STX7: variants seen among roughly 807,000 people sequenced by gnomAD.
The protein encoded by STX7 is syntaxin-7.
In STX7, 34 loss-of-function variants were observed where a neutral mutation model predicts 39.6. The observed-to-expected ratio is 0.86, with a 90% CI of 0.65 to 1.14. The LOEUF (loss-of-function observed/expected upper bound fraction) is 1.14, where lower values mean the gene tolerates loss of function less well. STX7 is among the 50% of genes most tolerant of loss of function. STX7 has a pLI of 0.00. For synonymous variants in STX7, 119 were observed against 99.1 expected, an observed-to-expected ratio of 1.20 and a Z score of -1.19; for missense variants, 284 against 310.4, an observed-to-expected ratio of 0.92 and a Z score of 0.64.
At position 132,460,811 on chromosome 6, in the gene STX7, G is replaced by C; in HGVS notation, c.733C>G (p.Leu245Val). Residue 245 changes from leucine to valine, a missense_variant, in exon 10 of 10, where the codon CTT (leucine) becomes GTT (valine). Physicochemically the swap from Leu to Val is conservative, Grantham distance 32. Coordinates refer to ENST00000367941, the MANE Select transcript of STX7 (RefSeq NM_003569.3). The part of the protein sequence containing the change: ...RKTLCIIILI[L>V]VIGVAIISLI... The stretch of plus-strand genomic sequence containing the variant: ...CTGATAATCGCAACTCCAATGACAA[G>C]GATAAGAATGATGATGCACAGGGTT... The C allele has an allele frequency of 6.2e-7, 1 of 1,613,494 alleles. No individual in the cohort carries two copies. The highest frequency in any genetic ancestry group is 1.7e-5 in the Admixed American group (1 of 59,974).
Position 132,460,133 on chromosome 6 carries a change from G to C in STX7, c.*625C>G, listed in dbSNP as rs1774352063. The stretch of plus-strand genomic sequence containing the variant: ...CAACCTATCCTTAGTAATTTTACTA[G>C]GCAATCTACAGCAAAAGCTTAATAT... On this transcript the variant is annotated 3_prime_UTR_variant, in exon 10 of 10. Coordinates refer to ENST00000367941, the MANE Select transcript of STX7 (RefSeq NM_003569.3). 1 of 152,052 alleles carries C rather than the reference G, an allele frequency of 6.6e-6. No individual in the cohort carries two copies. The highest frequency in any genetic ancestry group is 2.4e-5 in the African/African-American group (1 of 41,390). The allele number at this position is 152,052 out of a possible 1,614,324, so 9.4% of individuals were successfully genotyped here.
chr6:132,492,784 A>T (rs1775327220), intron 2 of STX7, among the ~76,000 whole-genome samples: 2 of 152,268 alleles, frequency 1.3e-5, no homozygotes, highest in African/African-American at 4.8e-5. Flanking sequence ...TACAAGGCAC[A>T]AAGTAAACAG....
At chr6:132,512,504 A>C (rs775068762) in intron 1 of STX7, among the ~76,000 whole-genome samples, 7 of 152,236 alleles carry the variant, frequency 4.6e-5, no homozygotes, top group Non-Finnish European at 1.0e-4. Context: ...CAATACTACG[A>C]TCCTCTGAAT....
In STX7 at chr6:132,450,424, AT is replaced by A; in HGVS notation, c.*10333del. On this transcript the variant is annotated 3_prime_UTR_variant, in exon 10 of 10. Coordinates refer to ENST00000367941, the MANE Select transcript of STX7 (RefSeq NM_003569.3). ...TATTTATCTGTACTTTCATTCCTAA[AT>A]TTTTTATGTCTTCTGTTTTTTTCCA... The A allele has an allele frequency of 6.6e-6, 1 of 151,762 alleles. No homozygotes were observed. The highest frequency in any genetic ancestry group is 2.1e-4 in the South Asian group (1 of 4,804). The allele number at this position is 151,762 out of a possible 1,614,324, so 9.4% of individuals were successfully genotyped here.
intron 8 of STX7, among the ~76,000 whole-genome samples, chr6:132,467,488 TA>T (rs1774593358): frequency 6.6e-6 from 1 of 152,138 alleles, no homozygotes; most frequent in Non-Finnish European, 1.5e-5. Flanking sequence ...CTCGCCTTTT[TA>T]AAAAATTGTC....
In STX7 at chr6:132,491,035, G is replaced by A. The variant is rs188728880; in HGVS notation, c.85+12411C>T. ...ACAGCACAGCACAGCAGAGAGAATA[G>A]AGCCCTTGAGCAGAGAAATGGGCAC... On this transcript the variant is annotated intron_variant, in intron 2 of 9. Transcript: ENST00000367941. 1.2e-3 allele frequency among the ~76,000 whole-genome samples: 120 copies of A among 99,268 alleles called. No homozygotes were observed. In the East Asian group the frequency reaches 0.021, roughly 17 times the overall value. The allele number at this position is 99,268 out of a possible 152,430, so 65.1% of individuals were successfully genotyped here. A position where few individuals can be genotyped will look rare whatever the true frequency, so the allele number is the denominator to read the frequency against.
At chr6:132,479,187 T>G (rs181558335) in intron 2 of STX7, among the ~76,000 whole-genome samples, 4 of 152,184 alleles carry the variant, frequency 2.6e-5, no homozygotes, top group African/African-American at 7.2e-5. Context: ...GAAACAGACT[T>G]TTTATGCTGC....
At chr6:132,491,021 CAGCAG>C (rs1460615930) in intron 2 of STX7, among the ~76,000 whole-genome samples, 2 of 149,892 alleles carry the variant, frequency 1.3e-5, no homozygotes, top group East Asian at 1.9e-4. Flanking sequence ...CAGCACAGCA[CAGCAG>C]AGAGAATAGA....
intron 9 of STX7, among the ~76,000 whole-genome samples, chr6:132,462,736 T>C (rs975571227): frequency 1.3e-5 from 2 of 152,114 alleles, no homozygotes; most frequent in Non-Finnish European, 2.9e-5. Flanking sequence ...CAGGAGTGAC[T>C]GTCAGTGAAT....
chr6:132,478,246 G>C (rs1470720094), intron 2 of STX7, among the ~76,000 whole-genome samples: 1 of 151,906 alleles, frequency 6.6e-6, no homozygotes, highest in African/African-American at 2.4e-5. Flanking sequence ...TGAATAAACT[G>C]AATAGCAAAA....
At chr6:132,487,887 T>G (rs1300464525) in intron 2 of STX7, among the ~76,000 whole-genome samples, 1 of 152,216 alleles carries the variant, frequency 6.6e-6, no homozygotes, top group Non-Finnish European at 1.5e-5. Context: ...CATTGATTTT[T>G]TTTCTCCCTT....
At chr6:132,473,271 A>G (rs893859345) in intron 3 of STX7, among the ~76,000 whole-genome samples, 8 of 152,204 alleles carry the variant, frequency 5.3e-5, no homozygotes, top group Non-Finnish European at 1.2e-4. Context: ...AACACAATAA[A>G]TAAAAGAAGT....
At position 132,469,985 on chromosome 6, in the gene STX7, A is replaced by T; in HGVS notation, c.503T>A (p.Ile168Asn). Residue 168 changes from isoleucine (I) to asparagine (N), a missense_variant, in exon 7 of 10, where the codon ATT becomes AAT. Ile to Asn is a moderately radical substitution (Grantham distance 149). Transcript: ENST00000367941. Reference sequence around the variant, plus strand: ...CCTGATAGAAGATTCTCTCTCATGAATAAGACGGAGGTCATCCTCTGTAAT... The same window carrying T: ...CCTGATAGAAGATTCTCTCTCATGATTAAGACGGAGGTCATCCTCTGTAAT... ...EEITEDDLRLIHERESSIRQL... is the reference protein window; with the variant it reads ...EEITEDDLRLNHERESSIRQL... 1 of 1,601,524 alleles carries T rather than the reference A, an allele frequency of 6.2e-7. No homozygotes were observed. Among genetic ancestry groups the T allele is most frequent in the South Asian group, 1.1e-5 (1 of 88,894 alleles).
chr6:132,468,363 G>A, intron 8 of STX7, 40 bp downstream of exon 8: 1 of 1,483,502 alleles, frequency 6.7e-7, no homozygotes, highest in South Asian at 1.1e-5. Flanking sequence ...AGTGCATGTA[G>A]CTTGCTCTCA....
chr6:132,465,698 T>G (rs748055698), intron 8 of STX7, among the ~76,000 whole-genome samples: 9 of 152,182 alleles, frequency 5.9e-5, no homozygotes, highest in Non-Finnish European at 8.8e-5. Flanking sequence ...TCCAGCTCTT[T>G]GAAGCAACAG....
intron 2 of STX7, among the ~76,000 whole-genome samples, chr6:132,484,638 A>G (rs1775086123): frequency 6.6e-6 from 1 of 152,198 alleles, no homozygotes; most frequent in Admixed American, 6.5e-5. Context: ...ACCAACTTGT[A>G]ACAGCCAAAC....
At chr6:132,501,568 C>T (rs1313418244) in intron 2 of STX7, among the ~76,000 whole-genome samples, 1 of 152,136 alleles carries the variant, frequency 6.6e-6, no homozygotes, top group Non-Finnish European at 1.5e-5. Flanking sequence ...ACTCTTTTCT[C>T]CTTCCAGTTC....
chr6:132,471,604 G>C lies in STX7; in HGVS notation c.250-4C>G, dbSNP rs1275270451. ...CCTTCTGTATTTTCCTTTGACGCTAGAGGAAAGAGAAGAAAAAGCCAACTA... is the reference window on the plus strand; with the variant it reads ...CCTTCTGTATTTTCCTTTGACGCTACAGGAAAGAGAAGAAAAAGCCAACTA... On this transcript the variant is annotated splice_region_variant and splice_polypyrimidine_tract_variant and intron_variant, in intron 4 of 9. Coordinates refer to ENST00000367941, the MANE Select transcript of STX7 (RefSeq NM_003569.3). 16 of 1,606,682 alleles carry C rather than the reference G, an allele frequency of 1.0e-5. No individual in the cohort carries two copies. The highest frequency in any genetic ancestry group is 1.3e-5 in the Non-Finnish European group (15 of 1,177,974).
intron 2 of STX7, among the ~76,000 whole-genome samples, chr6:132,476,471 G>A (rs917571899): frequency 1.3e-5 from 2 of 152,006 alleles, no homozygotes; most frequent in Non-Finnish European, 2.9e-5. Flanking sequence ...AGTTGACAAA[G>A]ACAGAGGTGC....
Sources: gnomAD v4.1 joint callset for allele counts (sites outside exome capture counted in the v4.1 genomes callset) on GRCh38, gnomAD v4.1.1 for gene constraint, MANE v1.5 for transcripts, NCBI Gene and HGNC (gene_info 2026-07-23, HGNC 2026-07-21) for gene names.